KCNMA1: variants seen among roughly 807,000 people sequenced by gnomAD.
KCNMA1 encodes Calcium-activated potassium channel subunit alpha-1.
In KCNMA1, 29 loss-of-function variants were observed where a neutral mutation model predicts 140.0. The ratio of observed to expected loss-of-function variants is 0.21; its 90% CI spans 0.15 to 0.28. The LOEUF (loss-of-function observed/expected upper bound fraction) is 0.28. Among genes scored for constraint, KCNMA1 ranks in the 10% least tolerant of loss-of-function variants. The pLI is 1.00. For missense variants in KCNMA1, 880 were observed against 1,602.2 expected (o/e 0.55, Z 7.70); for synonymous variants, 612 against 611.9 (o/e 1.00, Z 0.00).
chr10:76,942,816 G>C (rs1403204890), intron 23 of KCNMA1, among the ~76,000 whole-genome samples: 2 of 152,142 alleles, frequency 1.3e-5, no homozygotes, highest in Non-Finnish European at 1.5e-5. Context: ...CTTAAAGGGA[G>C]AATCATTGCT....
intron 18 of KCNMA1, among the ~76,000 whole-genome samples, chr10:77,003,539 A>T (rs1907719): frequency 0.48 from 72,380 of 152,004 alleles, 17,806 homozygotes; most frequent in Admixed American, 0.57. Context: ...CTTTTACTGG[A>T]AATATTGATT....
downstream of KCNMA1, chr10:76,875,558 T>G (rs1043670668): frequency 9.9e-5 from 15 of 152,284 alleles, no homozygotes; most frequent in African/African-American, 3.4e-4. Flanking sequence ...TGGAGCTTTG[T>G]GTCCTGTGTC....
intron 2 of KCNMA1, among the ~76,000 whole-genome samples, chr10:77,386,966 G>C (rs1329138619): frequency 2.6e-5 from 4 of 152,156 alleles, no homozygotes; most frequent in African/African-American, 4.8e-5. Context: ...CCCACCAAAA[G>C]CTTTTTACAG....
chr10:77,590,187 C>T (rs2078579383), intron 1 of KCNMA1, among the ~76,000 whole-genome samples: 2 of 152,260 alleles, frequency 1.3e-5, no homozygotes, highest in South Asian at 4.1e-4. Flanking sequence ...TTTTCCAAGT[C>T]CCCACCAGAC....
At chr10:77,384,047 C>T (rs1056333776) in intron 2 of KCNMA1, among the ~76,000 whole-genome samples, 1 of 152,206 alleles carries the variant, frequency 6.6e-6, no homozygotes, top group Non-Finnish European at 1.5e-5. Context: ...TGCGATTCAC[C>T]GCAGGACCCT....
intron 5 of KCNMA1, among the ~76,000 whole-genome samples, chr10:77,155,851 T>A (rs1030216452): frequency 3.2e-4 from 49 of 151,594 alleles, no homozygotes; most frequent in African/African-American, 1.1e-3. Flanking sequence ...AACTAAGAAG[T>A]GAGGGGAAAG....
intron 1 of KCNMA1, among the ~76,000 whole-genome samples, chr10:77,549,741 T>C (rs1006203712): frequency 3.3e-5 from 5 of 152,160 alleles, no homozygotes; most frequent in African/African-American, 7.2e-5. Context: ...CAACGCAACA[T>C]AGACAATTAG....
chr10:77,508,754 AT>A (rs1392849535), intron 1 of KCNMA1, among the ~76,000 whole-genome samples: 1 of 151,466 alleles, frequency 6.6e-6, no homozygotes. Flanking sequence ...CACGTCCAGA[AT>A]TTTTTCATCA....
chr10:76,951,973 T>C, intron 21 of KCNMA1: 1 of 1,455,474 alleles, frequency 6.9e-7, no homozygotes, highest in Non-Finnish European at 9.4e-7. Context: ...TGGCACATAG[T>C]AGGCCTCCTG....
In KCNMA1 at chr10:77,090,186, G is replaced by A. The variant is rs557041409; in HGVS notation, c.1334+214C>T. On this transcript the variant is annotated intron_variant, in intron 10 of 27. Coordinates refer to ENST00000286628, the MANE Select transcript of KCNMA1 (RefSeq NM_001161352.2). ...TCCCAGAATCGCCTCCACAGAGGCA[G>A]ACTCTGCTCTCATCATTGAACCAGT... 5.3e-5 allele frequency among the ~76,000 whole-genome samples: 8 copies of A among 152,324 alleles called. No individual in the cohort carries two copies. In the South Asian group the frequency reaches 1.7e-3, roughly 32 times the overall value.
intron 3 of KCNMA1, among the ~76,000 whole-genome samples, chr10:77,243,885 T>C (rs1430479564): frequency 1.3e-5 from 2 of 151,952 alleles, no homozygotes; most frequent in African/African-American, 4.8e-5. Context: ...AGGAGGGTCA[T>C]AAAATCAAGG....
At chr10:76,950,915 T>C (rs1277587616) in intron 21 of KCNMA1, among the ~76,000 whole-genome samples, 1 of 152,160 alleles carries the variant, frequency 6.6e-6, no homozygotes, top group African/African-American at 2.4e-5. Context: ...TCACATCACA[T>C]ATCCCCACTT....
intron 1 of KCNMA1, among the ~76,000 whole-genome samples, chr10:77,566,131 T>A (rs1348411906): frequency 6.6e-6 from 1 of 152,150 alleles, no homozygotes; most frequent in Admixed American, 6.6e-5. Flanking sequence ...ATAGCAAAAA[T>A]AGGCTTTGGA....
chr10:77,528,005 C>T (rs899561065), intron 1 of KCNMA1, among the ~76,000 whole-genome samples: 1 of 152,108 alleles, frequency 6.6e-6, no homozygotes, highest in Non-Finnish European at 1.5e-5. Context: ...ATTCCCAGAC[C>T]CTCTACTCAC....
chr10:77,038,158 G>A (rs1192692715), intron 15 of KCNMA1, among the ~76,000 whole-genome samples: 1 of 152,182 alleles, frequency 6.6e-6, no homozygotes, highest in Non-Finnish European at 1.5e-5. Flanking sequence ...GCTGTGTTCA[G>A]TGACAGGAGG....
At chr10:76,917,635 T>C (rs1038139621) in intron 23 of KCNMA1, among the ~76,000 whole-genome samples, 5 of 152,160 alleles carry the variant, frequency 3.3e-5, no homozygotes, top group Admixed American at 3.3e-4. Flanking sequence ...CATCTCTCTG[T>C]TGAAGGCCCA....
At chr10:77,611,910 G>C (rs980767141) in intron 1 of KCNMA1, among the ~76,000 whole-genome samples, 6 of 152,164 alleles carry the variant, frequency 3.9e-5, no homozygotes, top group Admixed American at 3.9e-4. Flanking sequence ...GTCCAAAGAG[G>C]AGTTCATAAT....
chr10:77,281,931 CA>C (rs1165727127), intron 2 of KCNMA1, among the ~76,000 whole-genome samples: 1 of 152,130 alleles, frequency 6.6e-6, no homozygotes, highest in Non-Finnish European at 1.5e-5. Flanking sequence ...GGGATTTCCC[CA>C]GACACTCCAA....
In KCNMA1 at chr10:77,616,073, C is replaced by T. The variant is rs750455787; in HGVS notation, c.378+21192G>A. ...ACCACCAAGCTAATGCAAGGTAGAG[C>T]CAGGACTCAAACCCGCCTTTGACCA... On this transcript the variant is annotated intron_variant, in intron 1 of 27. Coordinates refer to ENST00000286628, the MANE Select transcript of KCNMA1 (RefSeq NM_001161352.2). 4.2e-4 allele frequency among the ~76,000 whole-genome samples: 64 copies of T among 152,188 alleles called. 1 individual carries two copies. The highest frequency in any genetic ancestry group is 3.4e-4 in the Non-Finnish European group (23 of 68,042).
Sources: gnomAD v4.1 joint callset for allele counts (sites outside exome capture counted in the v4.1 genomes callset) on GRCh38, gnomAD v4.1.1 for gene constraint, MANE v1.5 for transcripts, NCBI Gene and HGNC (gene_info 2026-07-23, HGNC 2026-07-21) for gene names.